Variants in PWWP2A observed in about 807,000 individuals in gnomAD.
The protein encoded by PWWP2A is PWWP domain-containing protein 2A.
Under a neutral mutation model 48.5 loss-of-function variants are expected in PWWP2A, and 18 were observed. That is an observed-to-expected ratio of 0.37 (90% CI 0.26 to 0.55). The LOEUF is 0.55. Ranked by LOEUF, PWWP2A falls within the 20% of genes least tolerant of loss-of-function variation. The pLI, the probability that PWWP2A is intolerant of heterozygous loss-of-function variation, is 0.81. For synonymous variants in PWWP2A, 396 were observed against 387.7 expected (o/e 1.02, Z -0.25); for missense variants, 867 against 976.4 (o/e 0.89, Z 1.49).
intron 1 of PWWP2A, among the ~76,000 whole-genome samples, chr5:160,106,035 TC>T (rs1756862115): frequency 6.6e-6 from 1 of 152,182 alleles, no homozygotes; most frequent in Admixed American, 6.5e-5. Flanking sequence ...TCCAAAAATG[TC>T]CAAAGTTCAC....
chr5:160,104,506 C>T lies in PWWP2A; in HGVS notation c.585-10441G>A, dbSNP rs781219631. On this transcript the variant is annotated intron_variant, in intron 1 of 1. Coordinates refer to ENST00000307063, the MANE Select transcript of PWWP2A (RefSeq NM_001130864.2). ...GATGTAATTAAATGTATCTAAATTA[C>T]TTTGTTAAAAACGTGGCCAGGCACA... is the stretch of plus-strand genomic sequence containing the variant. Among the ~76,000 whole-genome samples, 104 of 151,980 alleles carry T rather than the reference C, an allele frequency of 6.8e-4. 5 individuals are homozygous for T. Among genetic ancestry groups the T allele is most frequent in the Non-Finnish European group, 2.4e-4 (16 of 67,988 alleles).
Position 160,091,680 on chromosome 5 carries a change from C to A in PWWP2A, c.*702G>T. 1.0e-6 allele frequency: 1 copy of A among 985,150 alleles called. No homozygotes were observed. Among genetic ancestry groups the A allele is most frequent in the Non-Finnish European group, 1.2e-6 (1 of 829,866 alleles). 61.0% of individuals were successfully genotyped at this position (985,150 alleles called of 1,614,324 possible). A position where few individuals can be genotyped will look rare whatever the true frequency, so the allele number is the denominator to read the frequency against. On this transcript the variant is annotated 3_prime_UTR_variant, in exon 2 of 2. Coordinates refer to ENST00000307063, the MANE Select transcript of PWWP2A (RefSeq NM_001130864.2). ...AGAAGCTTGAAAGTATTTATTAAAT[C>A]CCCACTGGACGAAAGACAGTGATGA...
At chr5:160,065,124 A>G (rs1753567153) in intron 4 of PWWP2A, 2 of 1,585,246 alleles carry the variant, frequency 1.3e-6, no homozygotes, top group Admixed American at 1.8e-5. Flanking sequence ...GCTGTTAGCT[A>G]GGGGAAAGGC....
In PWWP2A at chr5:160,078,307, A is replaced by T; in HGVS notation, c.1670-139T>A. 1 of 653,546 alleles carries T rather than the reference A, an allele frequency of 1.5e-6. No individual in the cohort carries two copies. Among genetic ancestry groups the T allele is most frequent in the Non-Finnish European group, 2.7e-6 (1 of 372,748 alleles). The allele number at this position is 653,546 out of a possible 1,614,324, so 40.5% of individuals were successfully genotyped here. On this transcript the variant is annotated intron_variant, in intron 3 of 3. Transcript: ENST00000456329. The surrounding 1 kb of genome is among the most constrained non-coding windows in gnomAD (Gnocchi z 4.2). ...TTTTCTTTTAAATCGGTTAAACCTG[A>T]CCGATGTTGTTTTGAGAAAACAACT... is the stretch of plus-strand genomic sequence containing the variant.
chr5:160,091,532 C>CA lies in PWWP2A; in HGVS notation c.*849dup. ...AATTACACATATGACAATTAATTCA[C>CA]AAAGTATAATTTTACTGGGACATAT... On this transcript the variant is annotated 3_prime_UTR_variant, in exon 2 of 2. Coordinates refer to ENST00000307063, the MANE Select transcript of PWWP2A (RefSeq NM_001130864.2). The CA allele has an allele frequency of 1.0e-6, 1 of 983,818 alleles. No homozygotes were observed. Among genetic ancestry groups the CA allele is most frequent in the Non-Finnish European group, 1.2e-6 (1 of 828,524 alleles). The allele number at this position is 983,818 out of a possible 1,614,324, so 60.9% of individuals were successfully genotyped here.
chr5:160,103,539 T>C lies in PWWP2A; in HGVS notation c.585-9474A>G, dbSNP rs186228452. On this transcript the variant is annotated intron_variant, in intron 1 of 1. Transcript: ENST00000307063. ...CAGTCAATGCCAAATGAGGTTACAGTCTTCGGAAGGAAATAAATCACCGTG... is the reference window on the plus strand; with the variant it reads ...CAGTCAATGCCAAATGAGGTTACAGCCTTCGGAAGGAAATAAATCACCGTG... 2.3e-3 allele frequency among the ~76,000 whole-genome samples: 356 copies of C among 152,258 alleles called. 1 individual carries two copies. Among genetic ancestry groups the C allele is most frequent in the African/African-American group, 8.0e-3 (333 of 41,554 alleles).
At chr5:160,060,477 A>T (rs181398789), downstream of PWWP2A, among the ~76,000 whole-genome samples, 1 of 152,350 alleles carries the variant, frequency 6.6e-6, no homozygotes, top group African/African-American at 2.4e-5. Context: ...ACGAGATCCT[A>T]ATAGTTCAGG....
chr5:160,070,664 G>A (rs1350904497), intron 2 of PWWP2A, among the ~76,000 whole-genome samples: 1 of 152,128 alleles, frequency 6.6e-6, no homozygotes, highest in Non-Finnish European at 1.5e-5. Flanking sequence ...ATGTCTAAAT[G>A]TGGAGGCTGG....
At position 160,093,953 on chromosome 5, in the gene PWWP2A, A is replaced by G. The variant is rs1460264506; in HGVS notation, c.697T>C (p.Cys233Arg). ...TCGGGAACAGCACCATTTGCTTCAC[A>G]CTTGACTTCTGTCCCTTCTTGGAAT... ...NTFQEGTEVK[C>R]EANGAVPDDP... The change falls in exon 2 of 2, where the codon TGT (cysteine) becomes CGT (arginine). Residue 233 changes from cysteine to arginine, a missense_variant. Coordinates refer to ENST00000307063, the MANE Select transcript of PWWP2A (RefSeq NM_001130864.2). The surrounding 1 kb of genome is among the most constrained non-coding windows in gnomAD (Gnocchi z 5.8). 1 of 1,613,922 alleles carries G rather than the reference A, an allele frequency of 6.2e-7. No individual in the cohort carries two copies. Among genetic ancestry groups the G allele is most frequent in the Non-Finnish European group, 8.5e-7 (1 of 1,179,902 alleles).
downstream of PWWP2A, among the ~76,000 whole-genome samples, chr5:160,088,961 A>T (rs1438866381): frequency 6.6e-6 from 1 of 152,250 alleles, no homozygotes; most frequent in East Asian, 1.9e-4. Flanking sequence ...GTTGCAATTT[A>T]GATACTCAGG....
At chr5:160,117,851 G>T (rs1025707166) in intron 1 of PWWP2A, 1 of 983,174 alleles carries the variant, frequency 1.0e-6, no homozygotes, top group Non-Finnish European at 1.2e-6. Context: ...GCAAACAGGT[G>T]AGATACGATC....
chr5:160,048,866 G>T, the PWWP2A span, among the ~76,000 whole-genome samples: 9 of 152,164 alleles, frequency 5.9e-5, no homozygotes, highest in African/African-American at 2.2e-4. Context: ...TAGGAGAATC[G>T]CTTGAACCTG....
At chr5:160,069,682 A>G (rs1753696338) in intron 2 of PWWP2A, among the ~76,000 whole-genome samples, 2 of 152,138 alleles carry the variant, frequency 1.3e-5, no homozygotes, top group South Asian at 4.1e-4. Flanking sequence ...TGGGCAACAT[A>G]GCGAAACCCC....
rs1273926659 is a variant in PWWP2A, at chr5:160,065,427, C to G, written c.*236+1121G>C. On this transcript the variant is annotated intron_variant and NMD_transcript_variant, in intron 4 of 5. Coordinates refer to the PWWP2A transcript ENST00000524050. ...ACAAACCTGTTGGTTGGGAGACTGCCCAGACATGATTGATGACGGGTTCCC... is the reference window on the plus strand; with the variant it reads ...ACAAACCTGTTGGTTGGGAGACTGCGCAGACATGATTGATGACGGGTTCCC... The G allele has an allele frequency of 6.4e-6, 3 of 469,318 alleles. No individual in the cohort carries two copies. The East Asian group carries it at 2.0e-4, about 31-fold the overall frequency. The allele number at this position is 469,318 out of a possible 1,614,324, so 29.1% of individuals were successfully genotyped here. A position where few individuals can be genotyped will look rare whatever the true frequency, so the allele number is the denominator to read the frequency against.
At chr5:160,063,129 T>C (rs991724971) in intron 5 of PWWP2A, among the ~76,000 whole-genome samples, 1 of 152,204 alleles carries the variant, frequency 6.6e-6, no homozygotes, top group African/African-American at 2.4e-5. Context: ...CAAAGATGGG[T>C]TGGCCTTTCT....
chr5:160,065,749 T>C (rs1315535945), intron 4 of PWWP2A, among the ~76,000 whole-genome samples: 2 of 152,248 alleles, frequency 1.3e-5, no homozygotes, highest in East Asian at 1.9e-4. Flanking sequence ...CCTTACAAGC[T>C]ATCTTGGGCC....
the PWWP2A span, among the ~76,000 whole-genome samples, chr5:160,048,024 G>A: frequency 6.6e-6 from 1 of 150,578 alleles, no homozygotes; most frequent in African/African-American, 2.4e-5. Context: ...TACTACATTG[G>A]ACGTATATAT....
chr5:160,062,451 C>T (rs1305619736), intron 5 of PWWP2A, among the ~76,000 whole-genome samples: 2 of 152,198 alleles, frequency 1.3e-5, no homozygotes, highest in East Asian at 1.9e-4. Flanking sequence ...CAGAAAGCAC[C>T]TCTGGGCACA....
chr5:160,072,912 G>A (rs1753774220), downstream of PWWP2A, among the ~76,000 whole-genome samples: 1 of 149,600 alleles, frequency 6.7e-6, no homozygotes, highest in South Asian at 2.1e-4. Context: ...GCTGAGGTGG[G>A]AGAATCACTT....
Sources: gnomAD v4.1 joint callset for allele counts (sites outside exome capture counted in the v4.1 genomes callset) on GRCh38, gnomAD v4.1.1 for gene constraint, Gnocchi (gnomAD v3.1) non-coding constraint, MANE v1.5 for transcripts, NCBI Gene and HGNC (gene_info 2026-07-23, HGNC 2026-07-21) for gene names.